Variants in MCTP1 observed in about 807,000 individuals in gnomAD.
MCTP1 encodes multiple C2 and transmembrane domain-containing protein 1.
Under a neutral mutation model 120.6 loss-of-function variants are expected in MCTP1, and 69 were observed. The ratio of observed to expected loss-of-function variants is 0.57; its 90% CI spans 0.47 to 0.70. The LOEUF (loss-of-function observed/expected upper bound fraction) is 0.70. Among genes scored for constraint, MCTP1 ranks in the 30% least tolerant of loss-of-function variants. The pLI, the probability that MCTP1 is intolerant of heterozygous loss-of-function variation, is 0.00. For synonymous variants in MCTP1, 529 were observed against 493.1 expected (o/e 1.07, Z -0.96); for missense variants, 1,203 against 1,248.8 (o/e 0.96, Z 0.55).
chr5:95,003,892 C>G (rs1411766129), intron 2 of MCTP1, among the ~76,000 whole-genome samples: 2 of 152,112 alleles, frequency 1.3e-5, no homozygotes, highest in African/African-American at 4.8e-5. Context: ...GTGGCAGCAG[C>G]TATGGAACTG....
chr5:95,213,171 G>C (rs1185107554), intron 1 of MCTP1, among the ~76,000 whole-genome samples: 1 of 152,128 alleles, frequency 6.6e-6, no homozygotes, highest in African/African-American at 2.4e-5. Flanking sequence ...CAAAGTCTCA[G>C]GATACAAAAT....
intron 1 of MCTP1, among the ~76,000 whole-genome samples, chr5:95,142,647 A>C (rs1031083912): frequency 2.6e-5 from 4 of 152,174 alleles, no homozygotes; most frequent in African/African-American, 9.7e-5. Flanking sequence ...CTGTTGAATA[A>C]ATTTTTAAGA....
At chr5:94,977,418 T>C (rs1828348659) in intron 2 of MCTP1, among the ~76,000 whole-genome samples, 1 of 151,958 alleles carries the variant, frequency 6.6e-6, no homozygotes, top group African/African-American at 2.4e-5. Context: ...ATAGATTCAA[T>C]GAAATCTCTA....
At chr5:94,923,474 G>A (rs1183826343) in intron 7 of MCTP1, among the ~76,000 whole-genome samples, 1 of 152,148 alleles carries the variant, frequency 6.6e-6, no homozygotes, top group Non-Finnish European at 1.5e-5. Flanking sequence ...TAAATCAAAA[G>A]AGTTGCTGTT....
intron 1 of MCTP1, among the ~76,000 whole-genome samples, chr5:95,124,990 C>T (rs1426096): frequency 0.15 from 22,947 of 152,124 alleles, 1,834 homozygotes; most frequent in East Asian, 0.28. Flanking sequence ...TTTGAAGATC[C>T]TTCAGTAGTG....
chr5:94,766,726 A>G (rs1219028499), intron 19 of MCTP1, among the ~76,000 whole-genome samples: 2 of 152,140 alleles, frequency 1.3e-5, no homozygotes. Flanking sequence ...ACAGCCTACC[A>G]AGATTGAACC....
At chr5:94,711,050 T>G (rs1756753626) in intron 20 of MCTP1, 123 bp from the exon 21 acceptor site, 1 of 714,666 alleles carries the variant, frequency 1.4e-6, no homozygotes, top group Non-Finnish European at 2.4e-6. Context: ...AGATTCCAAT[T>G]GTAATAGGTT....
At chr5:95,175,247 C>T (rs1747826179) in intron 1 of MCTP1, among the ~76,000 whole-genome samples, 1 of 152,156 alleles carries the variant, frequency 6.6e-6, no homozygotes, top group African/African-American at 2.4e-5. Flanking sequence ...GCTCCTAATG[C>T]CTTTCTGAGC....
At chr5:94,955,998 G>A (rs916982760) in intron 2 of MCTP1, among the ~76,000 whole-genome samples, 1 of 152,230 alleles carries the variant, frequency 6.6e-6, no homozygotes, top group African/African-American at 2.4e-5. Flanking sequence ...GGGGTCGACA[G>A]ACACCTCACA....
At chr5:95,171,415 C>T (rs544537999) in intron 1 of MCTP1, among the ~76,000 whole-genome samples, 1 of 152,216 alleles carries the variant, frequency 6.6e-6, no homozygotes, top group East Asian at 1.9e-4. Context: ...CAAGGAGTAT[C>T]TTTGTGGTGT....
chr5:94,733,596 C>CCCCCG (rs1763548519), intron 19 of MCTP1, among the ~76,000 whole-genome samples: 3 of 152,184 alleles, frequency 2.0e-5, no homozygotes, highest in Admixed American at 2.0e-4. Flanking sequence ...AAAAGAAGCC[C>CCCCCG]CCTTCCCTAT....
chr5:94,721,744 A>G (rs569822669), intron 19 of MCTP1, among the ~76,000 whole-genome samples: 2 of 152,020 alleles, frequency 1.3e-5, no homozygotes, highest in South Asian at 4.1e-4. Context: ...AAATTGGTAC[A>G]TTCCTTTATT....
chr5:94,901,514 C>T (rs1805529349), intron 10 of MCTP1, among the ~76,000 whole-genome samples: 1 of 151,988 alleles, frequency 6.6e-6, no homozygotes, highest in Non-Finnish European at 1.5e-5. Flanking sequence ...GGGATGGTAC[C>T]TCAGAGAGTG....
intron 1 of MCTP1, among the ~76,000 whole-genome samples, chr5:95,251,997 C>T (rs1167031554): frequency 6.6e-6 from 1 of 152,064 alleles, no homozygotes; most frequent in Non-Finnish European, 1.5e-5. Context: ...ATTGAATAAG[C>T]ATCAAAGCAG....
chr5:95,058,131 T>C (rs952474074), intron 1 of MCTP1, among the ~76,000 whole-genome samples: 2 of 152,182 alleles, frequency 1.3e-5, no homozygotes, highest in Non-Finnish European at 2.9e-5. Flanking sequence ...TGGGATAAAA[T>C]AGCTGATGCT....
At chr5:94,764,828 CAAAAAAAAA>C (rs57246943) in intron 19 of MCTP1, among the ~76,000 whole-genome samples, 7 of 90,976 alleles carry the variant, frequency 7.7e-5, no homozygotes, top group East Asian at 6.3e-4. Context: ...TGACCTGGAC[CAAAAAAAAA>C]AAAAAAAAAA....
At chr5:95,007,464 C>T (rs1834994361) in intron 2 of MCTP1, among the ~76,000 whole-genome samples, 7 of 152,156 alleles carry the variant, frequency 4.6e-5, no homozygotes, top group Admixed American at 2.6e-4. Flanking sequence ...ATACCTGATG[C>T]ATAATACATA....
intron 19 of MCTP1, among the ~76,000 whole-genome samples, chr5:94,717,069 A>G (rs1409914842): frequency 8.5e-5 from 13 of 152,180 alleles, no homozygotes; most frequent in Admixed American, 8.5e-4. Flanking sequence ...CCTACCTAAA[A>G]TAGACATTCA....
intron 18 of MCTP1, among the ~76,000 whole-genome samples, chr5:94,788,012 T>C (rs1025769138): frequency 1.3e-5 from 2 of 152,236 alleles, no homozygotes; most frequent in Non-Finnish European, 2.9e-5. Flanking sequence ...ATTTCAAAGC[T>C]TGGGCTTTTA....
Sources: gnomAD v4.1 joint callset for allele counts (sites outside exome capture counted in the v4.1 genomes callset) on GRCh38, gnomAD v4.1.1 for gene constraint, MANE v1.5 for transcripts, NCBI Gene and HGNC (gene_info 2026-07-23, HGNC 2026-07-21) for gene names.